DLG2: variants seen among roughly 807,000 people sequenced by gnomAD.
DLG2 encodes discs large MAGUK scaffold protein 2.
Under a neutral mutation model 132.5 loss-of-function variants are expected in DLG2, and 45 were observed. The observed-to-expected ratio is 0.34, with a 90% confidence interval of 0.27 to 0.44. DLG2 has a LOEUF of 0.44. Ranked by LOEUF, DLG2 falls within the 20% of genes least tolerant of loss-of-function variation. The pLI is 1.00. For synonymous variants in DLG2, 424 were observed against 419.6 expected, an observed-to-expected ratio of 1.01 and a Z score of -0.13; for missense variants, 1,045 against 1,196.9, an observed-to-expected ratio of 0.87 and a Z score of 1.87.
intron 3 of DLG2, among the ~76,000 whole-genome samples, chr11:85,471,571 G>C (rs1180973943): frequency 2.0e-5 from 3 of 152,188 alleles, no homozygotes; most frequent in African/African-American, 7.2e-5. Context: ...GAAATTAATA[G>C]ACTCAATGGC....
chr11:83,914,858 T>C (rs1339720747), intron 15 of DLG2, among the ~76,000 whole-genome samples: 1 of 152,110 alleles, frequency 6.6e-6, no homozygotes, highest in East Asian at 1.9e-4. Context: ...GGAGCCAAGA[T>C]CTAATTGTAG....
intron 6 of DLG2, among the ~76,000 whole-genome samples, chr11:84,962,307 T>G (rs928929049): frequency 6.6e-6 from 1 of 152,354 alleles, no homozygotes; most frequent in Admixed American, 6.5e-5. Context: ...ACTCTTCTAT[T>G]GCCATGAGCA....
intron 8 of DLG2, among the ~76,000 whole-genome samples, chr11:84,206,009 G>A (rs1231393295): frequency 6.6e-6 from 1 of 151,950 alleles, no homozygotes; most frequent in Admixed American, 6.6e-5. Flanking sequence ...ATCATTACGA[G>A]TCTTAAATAT....
chr11:85,549,220 C>T (rs1361261322), intron 3 of DLG2, among the ~76,000 whole-genome samples: 1 of 152,126 alleles, frequency 6.6e-6, no homozygotes, highest in African/African-American at 2.4e-5. Flanking sequence ...AATGGCTTCC[C>T]TTGGATAGAC....
chr11:85,349,102 T>C (rs554641144), intron 3 of DLG2, among the ~76,000 whole-genome samples: 8 of 152,192 alleles, frequency 5.3e-5, no homozygotes, highest in Admixed American at 2.6e-4. Context: ...TATAGCTTTC[T>C]TTCTTTGGAA....
At chr11:83,563,924 G>T (rs2096657876) in intron 19 of DLG2, among the ~76,000 whole-genome samples, 2 of 152,138 alleles carry the variant, frequency 1.3e-5, no homozygotes, top group East Asian at 3.9e-4. Flanking sequence ...CGTAGCATTT[G>T]GGTTCTTGAA....
chr11:84,373,269 A>AAAAAAAAAAAAAAAAAAAAAAAAAC (rs1555532736), intron 7 of DLG2, among the ~76,000 whole-genome samples: 2 of 128,426 alleles, frequency 1.6e-5, no homozygotes, highest in Non-Finnish European at 3.2e-5. Context: ...AAAAAACAAA[A>AAAAAAAAAAAAAAAAAAAAAAAAAC]CAAAAAAAAA....
At chr11:84,278,864 T>C (rs962540821) in intron 7 of DLG2, among the ~76,000 whole-genome samples, 4 of 152,120 alleles carry the variant, frequency 2.6e-5, no homozygotes, top group African/African-American at 9.7e-5. Context: ...GTGCAGAACA[T>C]GTAGGTTTGT....
At chr11:84,463,098 A>G (rs2099084833) in intron 7 of DLG2, among the ~76,000 whole-genome samples, 1 of 151,208 alleles carries the variant, frequency 6.6e-6, no homozygotes, top group South Asian at 2.1e-4. Context: ...TAGGGAAAAA[A>G]ACAATCTGGA....
intron 7 of DLG2, among the ~76,000 whole-genome samples, chr11:84,400,694 T>C (rs2098826288): frequency 3.9e-5 from 6 of 152,202 alleles, no homozygotes; most frequent in Admixed American, 3.9e-4. Context: ...TTCCCTTTCT[T>C]GTTCAAATTA....
At chr11:83,713,259 T>C (rs984148650) in intron 18 of DLG2, among the ~76,000 whole-genome samples, 1 of 152,208 alleles carries the variant, frequency 6.6e-6, no homozygotes, top group African/African-American at 2.4e-5. Flanking sequence ...TTCCACAATT[T>C]TCCCCATAAG....
At chr11:85,153,030 C>A (rs952097460) in intron 5 of DLG2, among the ~76,000 whole-genome samples, 43 of 152,188 alleles carry the variant, frequency 2.8e-4, no homozygotes, top group Admixed American at 8.5e-4. Context: ...TTGCATGCAA[C>A]ATCTAGAGCA....
chr11:83,673,969 C>A (rs1172858606), intron 18 of DLG2, among the ~76,000 whole-genome samples: 1 of 152,202 alleles, frequency 6.6e-6, no homozygotes, highest in Non-Finnish European at 1.5e-5. Flanking sequence ...ATCTCCTTTA[C>A]CACTTTTTAA....
At chr11:85,271,564 C>T (rs866532250) in intron 4 of DLG2, among the ~76,000 whole-genome samples, 1 of 152,236 alleles carries the variant, frequency 6.6e-6, no homozygotes, top group African/African-American at 2.4e-5. Flanking sequence ...AATGCCAGCA[C>T]AGGAAAGCAG....
chr11:85,107,927 TAAAA>T (rs5793156), intron 6 of DLG2, among the ~76,000 whole-genome samples: 5 of 26,268 alleles, frequency 1.9e-4, no homozygotes, highest in African/African-American at 4.8e-4. Context: ...GGACAAGTCT[TAAAA>T]AAAAAAAAAA....
chr11:84,569,815 G>A (rs1376810886), intron 6 of DLG2, among the ~76,000 whole-genome samples: 1 of 152,184 alleles, frequency 6.6e-6, no homozygotes, highest in African/African-American at 2.4e-5. Flanking sequence ...AAAGAAAGGA[G>A]AAGACTGGGT....
chr11:84,166,549 AC>A (rs1335415288), intron 8 of DLG2, among the ~76,000 whole-genome samples: 2 of 152,094 alleles, frequency 1.3e-5, no homozygotes, highest in Middle Eastern at 3.4e-3. Flanking sequence ...AAAGAAAAAA[AC>A]AATACCTCGA....
chr11:85,157,955 C>T (rs560810945), intron 4 of DLG2, among the ~76,000 whole-genome samples: 1 of 151,126 alleles, frequency 6.6e-6, no homozygotes, highest in South Asian at 2.1e-4. Flanking sequence ...ATAAACCCCG[C>T]ACTGCCTGAG....
At chr11:84,674,605 T>C (rs1362015482) in intron 6 of DLG2, among the ~76,000 whole-genome samples, 5 of 152,128 alleles carry the variant, frequency 3.3e-5, no homozygotes, top group Non-Finnish European at 7.4e-5. Context: ...ATGGCCTCTA[T>C]TGACCACTGT....
Sources: gnomAD v4.1 joint callset for allele counts (sites outside exome capture counted in the v4.1 genomes callset) on GRCh38, gnomAD v4.1.1 for gene constraint, MANE v1.5 for transcripts, NCBI Gene and HGNC (gene_info 2026-07-23, HGNC 2026-07-21) for gene names.